The following TNIP3 variants were observed in gnomAD, a reference collection of about 807,000 sequenced individuals.
TNIP3 encodes the protein TNFAIP3-interacting protein 3.
A neutral mutation model predicts 54.1 loss-of-function variants in TNIP3; 34 were observed. The ratio of observed to expected loss-of-function variants is 0.63; its 90% CI spans 0.48 to 0.84. The LOEUF (loss-of-function observed/expected upper bound fraction) is 0.84, where lower values mean the gene tolerates loss of function less well. TNIP3 is among the 40% of genes least tolerant of loss of function. The pLI is 0.00. For missense variants in TNIP3, 366 were observed against 387.6 expected (o/e 0.94, Z 0.47); for synonymous variants, 134 against 136.8 (o/e 0.98, Z 0.14).
At chr4:121,206,850 G>A (rs1023132427) in intron 2 of TNIP3, among the ~76,000 whole-genome samples, 2 of 152,174 alleles carry the variant, frequency 1.3e-5, no homozygotes, top group Non-Finnish European at 2.9e-5. Context: ...GATTACAGGT[G>A]TGAGCCACTG....
At chr4:121,182,647 A>G (rs1446292249) in intron 3 of TNIP3, 9 of 1,532,952 alleles carry the variant, frequency 5.9e-6, no homozygotes, top group Non-Finnish European at 7.0e-6. Context: ...GGGTACATCG[A>G]GATAAGGAGA....
chr4:121,221,853 G>A (rs2148853579), intron 1 of TNIP3, among the ~76,000 whole-genome samples: 1 of 152,238 alleles, frequency 6.6e-6, no homozygotes, highest in Admixed American at 6.5e-5. Context: ...TTTTATAGCA[G>A]TAAAGTTTTT....
upstream of TNIP3, among the ~76,000 whole-genome samples, chr4:121,217,315 C>T (rs1417511081): frequency 6.6e-5 from 10 of 152,074 alleles, no homozygotes; most frequent in Non-Finnish European, 4.4e-5. Context: ...ATGGGAAACA[C>T]GAAGCCAGTT....
At chr4:121,143,870 T>C (rs1729271974) in intron 7 of TNIP3, among the ~76,000 whole-genome samples, 1 of 152,222 alleles carries the variant, frequency 6.6e-6, no homozygotes, top group African/African-American at 2.4e-5. Context: ...ACATCCTTCA[T>C]GCTTAGGAAT....
chr4:121,218,490 T>A (rs1194769155), upstream of TNIP3, among the ~76,000 whole-genome samples: 1 of 152,130 alleles, frequency 6.6e-6, no homozygotes, highest in African/African-American at 2.4e-5. Flanking sequence ...ATCCCAGGCA[T>A]AATTATAATT....
intron 3 of TNIP3, among the ~76,000 whole-genome samples, chr4:121,157,811 C>T (rs1730207020): frequency 6.6e-6 from 1 of 152,184 alleles, no homozygotes. Flanking sequence ...ATCACTAACA[C>T]TGTCTTCACA....
chr4:121,141,275 A>G (rs1729101665), intron 9 of TNIP3, among the ~76,000 whole-genome samples: 1 of 152,210 alleles, frequency 6.6e-6, no homozygotes, highest in Non-Finnish European at 1.5e-5. Context: ...TCCCCTCACA[A>G]ATAATTGCTC....
chr4:121,155,886 G>C (rs1297844925), intron 4 of TNIP3, among the ~76,000 whole-genome samples: 1 of 152,084 alleles, frequency 6.6e-6, no homozygotes, highest in Admixed American at 6.5e-5. Flanking sequence ...TTCTTTAAAA[G>C]GGAAAATATT....
intron 2 of TNIP3, among the ~76,000 whole-genome samples, chr4:121,195,166 A>G (rs1725507971): frequency 6.6e-6 from 1 of 150,584 alleles, no homozygotes; most frequent in African/African-American, 2.5e-5. Flanking sequence ...AAGCAAACAA[A>G]ACAAAACAAA....
chr4:121,141,732 TA>T, intron 9 of TNIP3, 83 bp downstream of exon 9: 1 of 924,426 alleles, frequency 1.1e-6, no homozygotes, highest in Non-Finnish European at 1.5e-6. Context: ...CTGTAGATAA[TA>T]TAATGTGCTG....
At chr4:121,180,928 T>C (rs138169426) in intron 3 of TNIP3, among the ~76,000 whole-genome samples, 2 of 152,342 alleles carry the variant, frequency 1.3e-5, no homozygotes, top group Non-Finnish European at 2.9e-5. Context: ...TGTCTTTACC[T>C]CATACTTCAC....
At chr4:121,216,295 T>C (rs13133184) in intron 2 of TNIP3, 180,756 of 803,496 alleles carry the variant, frequency 0.22, 21,956 homozygotes, top group African/African-American at 0.31. Context: ...CTATTCTATA[T>C]AGCTCCATTC....
At chr4:121,216,308 A>T (rs2148850229) in intron 2 of TNIP3, 2 of 934,732 alleles carry the variant, frequency 2.1e-6, no homozygotes, top group East Asian at 5.3e-5. Context: ...CTCCATTCAG[A>T]CAGCTTCTCT....
Position 121,142,647 on chromosome 4 carries a change from T to C in TNIP3, c.786+79A>G, listed in dbSNP as rs920875608. Reference sequence around the variant, plus strand: ...TGTTGTAGGTCACCTGTAGCAGAGCTTGAACATGTCTTTAATTGGGACAAT... The same window carrying C: ...TGTTGTAGGTCACCTGTAGCAGAGCCTGAACATGTCTTTAATTGGGACAAT... On this transcript the variant is annotated intron_variant, in intron 8 of 10. Coordinates refer to ENST00000057513, the MANE Select transcript of TNIP3 (RefSeq NM_024873.6). 6 of 1,327,670 alleles carry C rather than the reference T, an allele frequency of 4.5e-6. No homozygotes were observed. The African/African-American group carries it at 8.7e-5, about 19-fold the overall frequency. 82.2% of individuals were successfully genotyped at this position (1,327,670 alleles called of 1,614,324 possible). A position where few individuals can be genotyped will look rare whatever the true frequency, so the allele number is the denominator to read the frequency against.
upstream of TNIP3, among the ~76,000 whole-genome samples, chr4:121,169,118 C>T (rs183045150): frequency 2.0e-5 from 3 of 152,198 alleles, no homozygotes; most frequent in Non-Finnish European, 4.4e-5. Flanking sequence ...CTGCTCAGAA[C>T]CTTTCAGTGG....
intron 2 of TNIP3, among the ~76,000 whole-genome samples, chr4:121,183,012 C>T (rs963243168): frequency 2.6e-5 from 4 of 152,114 alleles, no homozygotes; most frequent in East Asian, 3.9e-4. Context: ...AAGGAAGATA[C>T]GGACAAGTTT....
chr4:121,199,423 A>T (rs1725766303), intron 2 of TNIP3, among the ~76,000 whole-genome samples: 1 of 152,214 alleles, frequency 6.6e-6, no homozygotes, highest in African/African-American at 2.4e-5. Context: ...TTTCTAGCCC[A>T]GAAATACTCC....
chr4:121,213,683 T>C (rs1408480131), intron 2 of TNIP3, among the ~76,000 whole-genome samples: 3 of 148,846 alleles, frequency 2.0e-5, no homozygotes, highest in African/African-American at 7.5e-5. Flanking sequence ...GTCGAGATCG[T>C]GCCACTGCAC....
exon 3 of TNIP3, chr4:121,182,688 T>C (rs1301848849): frequency 6.5e-7 from 1 of 1,534,094 alleles, no homozygotes; most frequent in South Asian, 1.2e-5. Flanking sequence ...TCAGAGAACA[T>C]AGATTTCTGT....
Sources: gnomAD v4.1 joint callset for allele counts (sites outside exome capture counted in the v4.1 genomes callset) on GRCh38, gnomAD v4.1.1 for gene constraint, MANE v1.5 for transcripts, NCBI Gene and HGNC (gene_info 2026-07-23, HGNC 2026-07-21) for gene names.